The following COL4A1 variants were observed in gnomAD, a reference collection of about 807,000 sequenced individuals.
The protein encoded by COL4A1 is collagen type IV alpha 1 chain.
COL4A1 carries 40 observed loss-of-function variants against 216.6 expected under a neutral mutation model. That is an observed-to-expected ratio of 0.18 (90% CI 0.14 to 0.24). COL4A1 has a LOEUF of 0.24. Ranked by LOEUF, COL4A1 falls within the 10% of genes least tolerant of loss-of-function variation. The probability of loss-of-function intolerance (pLI) is 1.00; values close to 1 mark genes in which losing one functional copy is unlikely to be tolerated. For synonymous variants in COL4A1, 839 were observed against 810.7 expected, an observed-to-expected ratio of 1.03 and a Z score of -0.59; for missense variants, 1,628 against 2,196.8, an observed-to-expected ratio of 0.74 and a Z score of 5.18.
At chr13:110,302,399 G>T (rs1884530856) in intron 1 of COL4A1, among the ~76,000 whole-genome samples, 1 of 152,182 alleles carries the variant, frequency 6.6e-6, no homozygotes, top group African/African-American at 2.4e-5. Context: ...AGGAGTTCTG[G>T]AGTCCCCTTC....
chr13:110,180,935 C>T (rs1878124586), intron 29 of COL4A1, among the ~76,000 whole-genome samples: 1 of 152,180 alleles, frequency 6.6e-6, no homozygotes, highest in Non-Finnish European at 1.5e-5. Flanking sequence ...GCTGAGAAAC[C>T]ATCCTGGGTG....
intron 1 of COL4A1, among the ~76,000 whole-genome samples, chr13:110,260,893 T>C (rs1416379008): frequency 5.3e-5 from 8 of 151,908 alleles, no homozygotes; most frequent in South Asian, 4.2e-4. Flanking sequence ...AAAAATTAGC[T>C]GGGTGCGGTG....
intron 24 of COL4A1, among the ~76,000 whole-genome samples, 195 bp downstream of exon 24, chr13:110,192,005 GCTGTGATTTGGGCT>G (rs1878650378): frequency 6.6e-6 from 1 of 152,218 alleles, no homozygotes. Flanking sequence ...AAGAAAGGCA[GCTGTGATTTGGGCT>G]CTGTGGGTAA....
intron 14 of COL4A1, 67 bp from the exon 15 acceptor site, chr13:110,206,782 T>G: frequency 1.2e-6 from 2 of 1,608,458 alleles, no homozygotes; most frequent in Non-Finnish European, 1.7e-6. Context: ...TAGATAGATA[T>G]TAAACTTAAG....
Position 110,155,274 on chromosome 13 carries a change from G to T in COL4A1, c.4755+9C>A. Reference sequence around the variant, plus strand: ...TCCCGGGAAATATGGCGTCTCCCCAGACACTTACCATCACAAAAGAGTAGC... The same window carrying T: ...TCCCGGGAAATATGGCGTCTCCCCATACACTTACCATCACAAAAGAGTAGC... On this transcript the variant is annotated intron_variant, in intron 50 of 51. Coordinates refer to ENST00000375820, the MANE Select transcript of COL4A1 (RefSeq NM_001845.6). 6.2e-7 allele frequency: 1 copy of T among 1,604,044 alleles called. No homozygotes were observed. Among genetic ancestry groups the T allele is most frequent in the Non-Finnish European group, 8.5e-7 (1 of 1,170,716 alleles).
chr13:110,226,414 AAATCCCCAG>A (rs1289399617), intron 2 of COL4A1, among the ~76,000 whole-genome samples: 1 of 152,198 alleles, frequency 6.6e-6, no homozygotes, highest in Non-Finnish European at 1.5e-5. Context: ...CACCGGTCTG[AAATCCCCAG>A]ATTACTTCCT....
At chr13:110,230,161 C>T (rs36085600) in intron 2 of COL4A1, among the ~76,000 whole-genome samples, 14,294 of 151,674 alleles carry the variant, frequency 0.094, 809 homozygotes, top group African/African-American at 0.14. Flanking sequence ...GAAGAAAGTG[C>T]GTGTGTGTGT....
At chr13:110,222,984 C>G (rs1880576566) in intron 2 of COL4A1, among the ~76,000 whole-genome samples, 1 of 151,864 alleles carries the variant, frequency 6.6e-6, no homozygotes, top group Admixed American at 6.6e-5. Flanking sequence ...AATATAAAAA[C>G]TAGTAACCTG....
At chr13:110,201,705 C>G (rs768030089) in intron 18 of COL4A1, 183 bp from the exon 19 acceptor site, 2 of 751,224 alleles carry the variant, frequency 2.7e-6, no homozygotes, top group Admixed American at 1.7e-5. Context: ...ATGGGACAGG[C>G]CGGTGCGGTG....
chr13:110,167,733 T>C (rs1877410130), intron 43 of COL4A1, among the ~76,000 whole-genome samples: 1 of 152,228 alleles, frequency 6.6e-6, no homozygotes, highest in Non-Finnish European at 1.5e-5. Flanking sequence ...GGAACGAGTA[T>C]TTTCCTTTAT....
chr13:110,162,142 G>A, intron 48 of COL4A1, 88 bp downstream of exon 48: 1 of 1,237,276 alleles, frequency 8.1e-7, no homozygotes, highest in Non-Finnish European at 1.2e-6. Context: ...TGCCCTCACT[G>A]CAGCAGCAGA....
chr13:110,208,029 C>A (rs549742872), intron 12 of COL4A1, among the ~76,000 whole-genome samples: 1 of 152,342 alleles, frequency 6.6e-6, no homozygotes, highest in African/African-American at 2.4e-5. Context: ...AGGCCACCTG[C>A]ACATCCAGAT....
At position 110,183,007 on chromosome 13, in the gene COL4A1, G is replaced by A. The variant is rs1333599538; in HGVS notation, c.2081C>T (p.Pro694Leu). The A allele has an allele frequency of 1.2e-6, 2 of 1,612,754 alleles. No individual in the cohort carries two copies. Among genetic ancestry groups the A allele is most frequent in the Admixed American group, 1.7e-5 (1 of 59,932 alleles). The change falls in exon 28 of 52, where the codon CCC (proline) becomes CTC (leucine). Residue 694 changes from proline (P) to leucine (L), a missense_variant. Transcript: ENST00000375820. Reference protein sequence around the residue: ...VGQPGIGFPGPPGPKGVDGLP... With the variant: ...VGQPGIGFPGLPGPKGVDGLP... ...GGCAGGGTTACCTTTGGGGCCGGGGGGCCCTGGAAATCCAATGCCTGGCTG... is the reference window on the plus strand; with the variant it reads ...GGCAGGGTTACCTTTGGGGCCGGGGAGCCCTGGAAATCCAATGCCTGGCTG...
At position 110,206,669 on chromosome 13, in the gene COL4A1, G is replaced by A; in HGVS notation, c.854C>T (p.Pro285Leu). Residue 285 changes from proline (P) to leucine (L), a missense_variant, in exon 15 of 52, where the codon CCC becomes CTC. Around this residue, in one of 8 missense-constraint regions of COL4A1, gnomAD observed 701 missense variants for 892.5 expected, o/e 0.79. Transcript: ENST00000375820. The stretch of plus-strand genomic sequence containing the variant: ...AGGACTTTGGAAAGCACTTACTCTG[G>A]GTCCTGGTTTTCCGGGTTCACCTTT... Reference protein sequence around the residue: ...GEKGEPGKPGPRGKPGKDGDK... With the variant: ...GEKGEPGKPGLRGKPGKDGDK... 1 of 1,614,118 alleles carries A rather than the reference G, an allele frequency of 6.2e-7. No individual in the cohort carries two copies. Among genetic ancestry groups the A allele is most frequent in the Non-Finnish European group, 8.5e-7 (1 of 1,179,988 alleles).
intron 11 of COL4A1, 37 bp from the exon 12 acceptor site, chr13:110,208,927 G>C: frequency 1.2e-6 from 2 of 1,602,276 alleles, no homozygotes; most frequent in Non-Finnish European, 1.7e-6. Context: ...TATTAGATTT[G>C]TCTACTTCGT....
Position 110,268,335 on chromosome 13 carries a change from T to G in COL4A1, c.85-25601A>C, listed in dbSNP as rs1000599726. 6.6e-6 allele frequency among the ~76,000 whole-genome samples: 1 copy of G among 151,416 alleles called. No individual in the cohort carries two copies. Among genetic ancestry groups the G allele is most frequent in the Non-Finnish European group, 1.5e-5 (1 of 67,878 alleles). Reference sequence around the variant, plus strand: ...CCAGGCTCAGGAGCTTGGACCTGAATGCAAAAGATGGCAGGGATTTCTTGG... The same window carrying G: ...CCAGGCTCAGGAGCTTGGACCTGAAGGCAAAAGATGGCAGGGATTTCTTGG... On this transcript the variant is annotated intron_variant, in intron 1 of 51. Coordinates refer to ENST00000375820, the MANE Select transcript of COL4A1 (RefSeq NM_001845.6). This position sits in a 1 kb window ranked among gnomAD's most constrained non-coding sequence, Gnocchi z 4.1.
intron 1 of COL4A1, among the ~76,000 whole-genome samples, chr13:110,266,366 C>A (rs1318817580): frequency 6.6e-6 from 1 of 152,198 alleles, no homozygotes; most frequent in Admixed American, 6.5e-5. Context: ...GTAGTTCCAA[C>A]TCTGTCGCCA....
chr13:110,300,847 C>T (rs1423493982), intron 1 of COL4A1, among the ~76,000 whole-genome samples: 2 of 152,154 alleles, frequency 1.3e-5, no homozygotes, highest in African/African-American at 4.8e-5. Flanking sequence ...GTAAGAGGTA[C>T]AACAACAGAA....
chr13:110,187,955 G>C (rs1172919991), intron 24 of COL4A1, among the ~76,000 whole-genome samples: 1 of 152,170 alleles, frequency 6.6e-6, no homozygotes, highest in Non-Finnish European at 1.5e-5. Flanking sequence ...TGAAACTCTG[G>C]GAGTGGGCAC....
Sources: allele counts gnomAD v4.1 joint callset (sites outside exome capture counted in the v4.1 genomes callset), GRCh38; gene constraint gnomAD v4.1.1; regional missense constraint gnomAD v4.1.1; non-coding constraint Gnocchi (gnomAD v3.1); transcripts MANE v1.5; gene names NCBI Gene and HGNC (gene_info 2026-07-23, HGNC 2026-07-21).